Variants in SSH1 observed in about 807,000 individuals in gnomAD.
The protein encoded by SSH1 is slingshot protein phosphatase 1.
Under a neutral mutation model 79.7 loss-of-function variants are expected in SSH1, and 43 were observed. The ratio of observed to expected loss-of-function variants is 0.54; its 90% CI spans 0.42 to 0.70. The LOEUF (loss-of-function observed/expected upper bound fraction) is 0.70, where lower values mean the gene tolerates loss of function less well. Ranked by LOEUF, SSH1 falls within the 30% of genes least tolerant of loss-of-function variation. The pLI, the probability that SSH1 is intolerant of heterozygous loss-of-function variation, is 0.00. For missense variants in SSH1, 1,206 were observed against 1,358.8 expected (o/e 0.89, Z 1.77); for synonymous variants, 599 against 538.3 (o/e 1.11, Z -1.56).
chr12:108,855,234 AC>A (rs2039120565), intron 1 of SSH1, among the ~76,000 whole-genome samples: 1 of 152,242 alleles, frequency 6.6e-6, no homozygotes, highest in East Asian at 1.9e-4. Flanking sequence ...GAAGCCAGAC[AC>A]AAAAGGCCAC....
intron 13 of SSH1, among the ~76,000 whole-genome samples, chr12:108,793,983 G>C (rs775187162): frequency 5.3e-5 from 8 of 152,200 alleles, no homozygotes; most frequent in Non-Finnish European, 1.0e-4. Context: ...CAGGCTCAGG[G>C]AGAGGTCAGT....
At chr12:108,841,637 G>A (rs1417840313) in intron 2 of SSH1, among the ~76,000 whole-genome samples, 1 of 151,852 alleles carries the variant, frequency 6.6e-6, no homozygotes, top group Non-Finnish European at 1.5e-5. Context: ...GTGAAACCCC[G>A]TCTCTACTAA....
At chr12:108,799,668 T>G (rs1190803884) in intron 12 of SSH1, among the ~76,000 whole-genome samples, 1 of 152,012 alleles carries the variant, frequency 6.6e-6, no homozygotes, top group Non-Finnish European at 1.5e-5. Context: ...GTCAGCAAAC[T>G]GAAAGCTGCA....
chr12:108,824,464 A>AAG (rs2038239854), intron 2 of SSH1, among the ~76,000 whole-genome samples: 1 of 151,166 alleles, frequency 6.6e-6, no homozygotes. Context: ...CAAAAAAAAA[A>AAG]AAAGAAAGAA....
chr12:108,800,853 G>T lies in SSH1; in HGVS notation c.1075C>A (p.Arg359=). ...FPGLFAYHNI[R]VYDEETTDLL... Reference sequence around the variant, plus strand: ...TCTGTGGTCTCTTCATCGTAGACTCGGATGTTATGATATGCAAATAAGCCA... The same window carrying T: ...TCTGTGGTCTCTTCATCGTAGACTCTGATGTTATGATATGCAAATAAGCCA... The change falls in exon 12 of 15, where the codon CGA becomes AGA. Residue 359 remains arginine, a synonymous_variant. Transcript: ENST00000326495. 6.2e-7 allele frequency: 1 copy of T among 1,613,866 alleles called. No individual in the cohort carries two copies. The highest frequency in any genetic ancestry group is 1.6e-4 in the Middle Eastern group (1 of 6,062).
intron 5 of SSH1, among the ~76,000 whole-genome samples, chr12:108,815,953 C>T (rs1021877392): frequency 6.6e-6 from 1 of 152,232 alleles, no homozygotes; most frequent in African/African-American, 2.4e-5. Context: ...GGGAACAAGA[C>T]AAGACCATAC....
At chr12:108,789,289 A>G in intron 14 of SSH1, 45 bp from the exon 15 acceptor site, 1 of 1,558,584 alleles carries the variant, frequency 6.4e-7, no homozygotes, top group Non-Finnish European at 8.7e-7. Context: ...TGCAGTCATG[A>G]GCCAAAGACC....
chr12:108,857,546 C>A lies in SSH1; in HGVS notation c.-50G>T. On this transcript the variant is annotated 5_prime_UTR_variant, in exon 1 of 15. Coordinates refer to ENST00000326495, the MANE Select transcript of SSH1 (RefSeq NM_018984.4). The surrounding 1 kb of genome is among the most constrained non-coding windows in gnomAD (Gnocchi z 4.7). ...CACAGACGTCTCGAGCTAGAGCCGC[C>A]ACCGCCACCGCCGCCCGGGCCGGGC... 1 of 1,008,830 alleles carries A rather than the reference C, an allele frequency of 9.9e-7. No homozygotes were observed. The highest frequency in any genetic ancestry group is 5.4e-5 in the Admixed American group (1 of 18,466). The allele number at this position is 1,008,830 out of a possible 1,614,324, so 62.5% of individuals were successfully genotyped here.
At position 108,792,458 on chromosome 12, in the gene SSH1, A is replaced by T; in HGVS notation, c.1721T>A (p.Phe574Tyr). Residue 574 changes from phenylalanine to tyrosine, a missense_variant, in exon 14 of 15, where the codon TTT becomes TAT. Around this residue, in one of 5 missense-constraint regions of SSH1, gnomAD observed 709 missense variants for 730.6 expected, o/e 0.97. Transcript: ENST00000326495. The part of the protein sequence containing the change: ...CEKDVKKKLE[F>Y]GSPKGRSGSL... ...GCCGCTCCGACCTTTGGGACTCCCA[A>T]ACTCTAGTTTCTTCTTCACATCCTT... 6.2e-7 allele frequency: 1 copy of T among 1,614,058 alleles called. No homozygotes were observed. Among genetic ancestry groups the T allele is most frequent in the African/African-American group, 1.3e-5 (1 of 74,994 alleles).
chr12:108,782,404 T>C lies in SSH1; in HGVS notation c.*5584A>G, dbSNP rs1038665823. On this transcript the variant is annotated 3_prime_UTR_variant, in exon 15 of 15. Coordinates refer to ENST00000326495, the MANE Select transcript of SSH1 (RefSeq NM_018984.4). ...CCCACCCAAAGTCCAAATCCTTTCCTGGTGGGTAACTTTTTTTTTTTGGTA... is the reference window on the plus strand; with the variant it reads ...CCCACCCAAAGTCCAAATCCTTTCCCGGTGGGTAACTTTTTTTTTTTGGTA... 1 of 151,858 alleles carries C rather than the reference T, an allele frequency of 6.6e-6. No homozygotes were observed. Among genetic ancestry groups the C allele is most frequent in the African/African-American group, 2.4e-5 (1 of 41,366 alleles). The allele number at this position is 151,858 out of a possible 1,614,324, so 9.4% of individuals were successfully genotyped here.
At chr12:108,797,906 T>C (rs905099169) in intron 13 of SSH1, among the ~76,000 whole-genome samples, 1 of 152,220 alleles carries the variant, frequency 6.6e-6, no homozygotes, top group Non-Finnish European at 1.5e-5. Context: ...CCCTCACTGG[T>C]AGAAGGCAGC....
At chr12:108,855,474 T>A (rs1168213991) in intron 1 of SSH1, among the ~76,000 whole-genome samples, 2 of 152,086 alleles carry the variant, frequency 1.3e-5, no homozygotes, top group Non-Finnish European at 2.9e-5. Context: ...ATTGTACACT[T>A]TAAAATGGCA....
rs553116356 is a variant in SSH1 at position 108,842,486 on chromosome 12, C to T, written c.110+10152G>A. ...CAAGATGACAGCAAGTGCAAAAGTT[C>T]CAAGCCCAGAGCCTGCAGCCTGCAG... On this transcript the variant is annotated intron_variant, in intron 2 of 14. Transcript: ENST00000326495. 1.3e-4 allele frequency among the ~76,000 whole-genome samples: 20 copies of T among 152,342 alleles called. No individual in the cohort carries two copies. In the South Asian group the frequency reaches 3.1e-3, roughly 24 times the overall value.
At chr12:108,801,024 C>T in intron 11 of SSH1, 98 bp from the exon 12 acceptor site, 3 of 1,249,112 alleles carry the variant, frequency 2.4e-6, no homozygotes, top group Non-Finnish European at 2.3e-6. Flanking sequence ...AGGAAACACA[C>T]ATTAACCAAG....
chr12:108,808,338 C>T (rs147028873), intron 7 of SSH1, among the ~76,000 whole-genome samples: 2 of 152,320 alleles, frequency 1.3e-5, no homozygotes, highest in East Asian at 1.9e-4. Flanking sequence ...CGCCAGGACA[C>T]GGAGCTAGTC....
chr12:108,842,902 G>C (rs2038813231), intron 2 of SSH1, among the ~76,000 whole-genome samples: 1 of 152,114 alleles, frequency 6.6e-6, no homozygotes, highest in South Asian at 2.1e-4. Flanking sequence ...GTCCTTACAG[G>C]GTTTTCACAA....
chr12:108,844,406 C>T (rs1303567818), intron 2 of SSH1, among the ~76,000 whole-genome samples: 1 of 152,122 alleles, frequency 6.6e-6, no homozygotes, highest in Non-Finnish European at 1.5e-5. Context: ...CAGTGTTTAC[C>T]AGGGTGATGT....
rs140493235 is a variant in SSH1 at position 108,823,288 on chromosome 12, G to C, written c.184C>G (p.Arg62Gly). 1 of 1,589,644 alleles carries C rather than the reference G, an allele frequency of 6.3e-7. No homozygotes were observed. Residue 62 changes from arginine (R) to glycine (G), a missense_variant, in exon 3 of 15, where the codon CGG (arginine) becomes GGG (glycine). Physicochemically the swap from Arg to Gly is moderately radical, Grantham distance 125. Around this residue, in one of 5 missense-constraint regions of SSH1, gnomAD observed 100 missense variants for 82.3 expected, o/e 1.21. Coordinates refer to ENST00000326495, the MANE Select transcript of SSH1 (RefSeq NM_018984.4). ...LQQGSSPQGQ[R>G]SLQHPHKHAG... ...TGCTTGTGGGGGTGCTGAAGACTCCGCTGGCCTTGAGGGCTGCTTCCCTGT... is the reference window on the plus strand; with the variant it reads ...TGCTTGTGGGGGTGCTGAAGACTCCCCTGGCCTTGAGGGCTGCTTCCCTGT...
intron 1 of SSH1, chr12:108,853,047 T>C (rs556658326): frequency 1.8e-5 from 18 of 985,274 alleles, no homozygotes; most frequent in Non-Finnish European, 2.2e-5. Flanking sequence ...GAGGGGGTCA[T>C]GTTTAAAGAG....
Sources: allele counts gnomAD v4.1 joint callset (sites outside exome capture counted in the v4.1 genomes callset), GRCh38; gene constraint gnomAD v4.1.1; regional missense constraint gnomAD v4.1.1; non-coding constraint Gnocchi (gnomAD v3.1); transcripts MANE v1.5; gene names NCBI Gene and HGNC (gene_info 2026-07-23, HGNC 2026-07-21).